Variants in KCTD19 observed in about 807,000 individuals in gnomAD.
The protein encoded by KCTD19 is potassium channel tetramerization domain containing 19.
Under a neutral mutation model 103.5 loss-of-function variants are expected in KCTD19, and 67 were observed. The ratio of observed to expected loss-of-function variants is 0.65; its 90% CI spans 0.53 to 0.79. The LOEUF (loss-of-function observed/expected upper bound fraction) is 0.79. Among genes scored for constraint, KCTD19 ranks in the 30% least tolerant of loss-of-function variants. KCTD19 has a pLI of 0.00. For synonymous variants in KCTD19, 439 were observed against 452.2 expected, an observed-to-expected ratio of 0.97 and a Z score of 0.37; for missense variants, 980 against 1,136.1, an observed-to-expected ratio of 0.86 and a Z score of 1.98.
At chr16:67,310,151 A>C (rs907521804) in intron 2 of KCTD19, among the ~76,000 whole-genome samples, 7 of 152,192 alleles carry the variant, frequency 4.6e-5, no homozygotes, top group Non-Finnish European at 1.0e-4. Context: ...TTCGGGTGCT[A>C]TAAGAAATCA....
chr16:67,301,861 TAATACATCA>T lies in KCTD19; in HGVS notation c.696_704del (p.Asp233_Leu235del). On this transcript the variant is annotated inframe_deletion, in exon 5 of 16. Coordinates refer to ENST00000304372, the MANE Select transcript of KCTD19 (RefSeq NM_001100915.3). ...TTTCCAGAATTTCCACTTCTGCTTC[TAATACATCA>T]ATGTTGGAGAAATTATCCGGTAGTA... The T allele has an allele frequency of 6.2e-7, 1 of 1,613,258 alleles. No individual in the cohort carries two copies. The highest frequency in any genetic ancestry group is 1.1e-5 in the South Asian group (1 of 91,072).
intron 2 of KCTD19, among the ~76,000 whole-genome samples, chr16:67,310,346 AC>A (rs958841184): frequency 6.6e-6 from 1 of 152,230 alleles, no homozygotes; most frequent in Non-Finnish European, 1.5e-5. Context: ...TGAATGAAGA[AC>A]ACTCCAGAGA....
chr16:67,293,858 A>G lies in KCTD19; in HGVS notation c.1904T>C (p.Leu635Pro), dbSNP rs2036730728. 1 of 1,613,982 alleles carries G rather than the reference A, an allele frequency of 6.2e-7. No homozygotes were observed. The highest frequency in any genetic ancestry group is 8.5e-7 in the Non-Finnish European group (1 of 1,180,012). Residue 635 changes from leucine to proline, a missense_variant, in exon 12 of 16, where the codon CTC (leucine) becomes CCC (proline). Transcript: ENST00000304372. This position sits in a 1 kb window ranked among gnomAD's most constrained non-coding sequence, Gnocchi z 4.0. ...KDPPATPMQK[L>P]ISLVREWDMV... ...GTCCCATTCTCTCACCAGGGAGATG[A>G]GTTTTTGCATGGGAGTGGCGGGAGG...
chr16:67,315,960 C>T (rs1175173858), intron 2 of KCTD19, among the ~76,000 whole-genome samples: 1 of 152,174 alleles, frequency 6.6e-6, no homozygotes, highest in Non-Finnish European at 1.5e-5. Flanking sequence ...TACCTGCATG[C>T]CTTACCCCTT....
At position 67,303,109 on chromosome 16, in the gene KCTD19, A is replaced by AGGG; in HGVS notation, c.643+36_643+37insCCC. 2.1e-6 allele frequency: 1 copy of AGGG among 483,252 alleles called. No individual in the cohort carries two copies. Among genetic ancestry groups the AGGG allele is most frequent in the Non-Finnish European group, 4.0e-6 (1 of 247,146 alleles). 29.9% of individuals were successfully genotyped at this position (483,252 alleles called of 1,614,324 possible). ...TGGGGAGGGGTGAATGGGCCCTATC[A>AGGG]GCCCGCCCCCCACCCCACCCCGGAC... is the stretch of plus-strand genomic sequence containing the variant. On this transcript the variant is annotated intron_variant, in intron 4 of 15. Transcript: ENST00000304372. This position sits in a 1 kb window ranked among gnomAD's most constrained non-coding sequence, Gnocchi z 4.3.
rs2036753452 is a variant in KCTD19, at chr16:67,295,376, T to A, written c.1278A>T (p.Arg426Ser). Residue 426 changes from arginine (R) to serine (S), a missense_variant, in exon 9 of 16, where the codon AGA (arginine) becomes AGT (serine). Physicochemically the swap from Arg to Ser is moderately radical, Grantham distance 110. Coordinates refer to ENST00000304372, the MANE Select transcript of KCTD19 (RefSeq NM_001100915.3). Reference sequence around the variant, plus strand: ...TTTGTCCATATGTGATCCAGTACACTCTCTGAGGGTTGGACAGCAGTTCTG... The same window carrying A: ...TTTGTCCATATGTGATCCAGTACACACTCTGAGGGTTGGACAGCAGTTCTG... ...KYPELLSNPQRVYWITYGQTL... is the reference protein window; with the variant it reads ...KYPELLSNPQSVYWITYGQTL... 1 of 1,613,438 alleles carries A rather than the reference T, an allele frequency of 6.2e-7. No individual in the cohort carries two copies. The highest frequency in any genetic ancestry group is 1.3e-5 in the African/African-American group (1 of 74,902).
chr16:67,306,411 G>A (rs1019265851), intron 2 of KCTD19, among the ~76,000 whole-genome samples: 22 of 152,250 alleles, frequency 1.4e-4, no homozygotes, highest in African/African-American at 4.6e-4. Context: ...GATTACAGGT[G>A]CCCACCACCA....
chr16:67,317,126 T>C (rs2037021021), intron 2 of KCTD19, among the ~76,000 whole-genome samples: 1 of 152,148 alleles, frequency 6.6e-6, no homozygotes, highest in Non-Finnish European at 1.5e-5. Context: ...TAGAGCAGTT[T>C]AGATATATGC....
rs1342751246 is a variant in KCTD19, at chr16:67,303,737, G to A, written c.452-400C>T. On this transcript the variant is annotated intron_variant, in intron 3 of 15. Coordinates refer to ENST00000304372, the MANE Select transcript of KCTD19 (RefSeq NM_001100915.3). The surrounding 1 kb of genome is among the most constrained non-coding windows in gnomAD (Gnocchi z 4.3). ...TAATTTTTGTGTTTTCAGTAGAGACGGGGTTTCACCATGTTGTCAGGCTGG... is the reference window on the plus strand; with the variant it reads ...TAATTTTTGTGTTTTCAGTAGAGACAGGGTTTCACCATGTTGTCAGGCTGG... 4.0e-5 allele frequency among the ~76,000 whole-genome samples: 6 copies of A among 151,318 alleles called. No homozygotes were observed. The highest frequency in any genetic ancestry group is 1.3e-4 in the Admixed American group (2 of 15,234).
At position 67,293,529 on chromosome 16, in the gene KCTD19, G is replaced by C. The variant is rs747575214; in HGVS notation, c.2218+15C>G. ...GTTGTGAATAAGACTTAGATCAAAG[G>C]GGGACAGGACTCACCTCTCTCCTTG... On this transcript the variant is annotated intron_variant, in intron 12 of 15. Coordinates refer to ENST00000304372, the MANE Select transcript of KCTD19 (RefSeq NM_001100915.3). This position sits in a 1 kb window ranked among gnomAD's most constrained non-coding sequence, Gnocchi z 4.0. The C allele has an allele frequency of 3.7e-6, 6 of 1,608,078 alleles. No homozygotes were observed. The highest frequency in any genetic ancestry group is 1.7e-4 in the Middle Eastern group (1 of 6,052).
intron 1 of KCTD19, among the ~76,000 whole-genome samples, chr16:67,322,991 A>G (rs531152932): frequency 7.2e-5 from 11 of 152,364 alleles, no homozygotes; most frequent in Admixed American, 7.2e-4. Context: ...AATGCAAATC[A>G]AAACCCACAA....
rs1317283921 is a variant in KCTD19 at position 67,294,010 on chromosome 16, G to T, written c.1752C>A (p.Asn584Lys). The T allele has an allele frequency of 1.2e-6, 2 of 1,614,026 alleles. No individual in the cohort carries two copies. The highest frequency in any genetic ancestry group is 1.7e-6 in the Non-Finnish European group (2 of 1,180,040). The change falls in exon 12 of 16, where the codon AAC becomes AAA. Residue 584 changes from asparagine (N) to lysine (K), a missense_variant. By Grantham distance (94) the Asn-to-Lys change is moderately conservative. Coordinates refer to ENST00000304372, the MANE Select transcript of KCTD19 (RefSeq NM_001100915.3). ...SLCRNAKRAG[N>K]PSTYSHCRGL... Reference sequence around the variant, plus strand: ...CACGGCAGTGTGAGTATGTGCTAGGGTTGCCAGCCCTCTTGGCATTTCGGC... The same window carrying T: ...CACGGCAGTGTGAGTATGTGCTAGGTTTGCCAGCCCTCTTGGCATTTCGGC...
chr16:67,303,155 G>A lies in KCTD19; in HGVS notation c.634C>T (p.Arg212Cys), dbSNP rs371354193. The change falls in exon 4 of 16, where the codon CGC becomes TGC. Residue 212 changes from arginine (R) to cysteine (C), a missense_variant. By Grantham distance (180) the Arg-to-Cys change is radical. Coordinates refer to ENST00000304372, the MANE Select transcript of KCTD19 (RefSeq NM_001100915.3). This position sits in a 1 kb window ranked among gnomAD's most constrained non-coding sequence, Gnocchi z 4.3. ...ALIECECSEF[R>C]FIVNFLRSQK... Reference sequence around the variant, plus strand: ...CGGACAGAGCAATCACCAATGAAGCGGAACTCGCTGCACTCGCACTCGATG... The same window carrying A: ...CGGACAGAGCAATCACCAATGAAGCAGAACTCGCTGCACTCGCACTCGATG... The A allele has an allele frequency of 9.3e-6, 15 of 1,607,486 alleles. No individual in the cohort carries two copies. Among genetic ancestry groups the A allele is most frequent in the African/African-American group, 5.5e-5 (4 of 73,258 alleles).
At chr16:67,295,720 C>G (rs1937666136) in intron 8 of KCTD19, 2 of 337,870 alleles carry the variant, frequency 5.9e-6, no homozygotes, top group Non-Finnish European at 1.1e-5. Context: ...GCCTTCCCAG[C>G]AGGCCACTCG....
intron 2 of KCTD19, among the ~76,000 whole-genome samples, chr16:67,315,508 G>A (rs992157467): frequency 2.6e-5 from 4 of 151,972 alleles, no homozygotes; most frequent in African/African-American, 9.7e-5. Context: ...TTGAGACAGA[G>A]TCTTGCTCTG....
In KCTD19 at chr16:67,299,646, T is replaced by A. The variant is rs563009475; in HGVS notation, c.776-73A>T. 1.3e-4 allele frequency: 159 copies of A among 1,263,588 alleles called. 2 individuals carry two copies. The South Asian group carries it at 1.9e-3, about 15-fold the overall frequency. The allele number at this position is 1,263,588 out of a possible 1,614,324, so 78.3% of individuals were successfully genotyped here. On this transcript the variant is annotated intron_variant, in intron 5 of 15. Transcript: ENST00000304372. ...CTGGATTGGAGGCTTTGGGGCTCGG[T>A]TCCTACTGCTGCCTCCATTGTACCG...
At chr16:67,313,243 T>C (rs941090748) in intron 2 of KCTD19, among the ~76,000 whole-genome samples, 1 of 151,904 alleles carries the variant, frequency 6.6e-6, no homozygotes, top group Non-Finnish European at 1.5e-5. Context: ...CCCGAGTAGC[T>C]GGGATTACAG....
chr16:67,289,870 C>A (rs1193607875), intron 15 of KCTD19, among the ~76,000 whole-genome samples, 188 bp from the exon 16 acceptor site: 1 of 152,200 alleles, frequency 6.6e-6, no homozygotes, highest in Non-Finnish European at 1.5e-5. Context: ...TATCAGGGAA[C>A]AAAGCAGAAA....
At chr16:67,317,787 A>G (rs1160641556) in intron 2 of KCTD19, among the ~76,000 whole-genome samples, 1 of 152,152 alleles carries the variant, frequency 6.6e-6, no homozygotes, top group Non-Finnish European at 1.5e-5. Context: ...TTTTTATTGG[A>G]TCATCCTATG....
Sources: gnomAD v4.1 joint callset for allele counts (sites outside exome capture counted in the v4.1 genomes callset) on GRCh38, gnomAD v4.1.1 for gene constraint, Gnocchi (gnomAD v3.1) non-coding constraint, MANE v1.5 for transcripts, NCBI Gene and HGNC (gene_info 2026-07-23, HGNC 2026-07-21) for gene names.